Variants in ZFHX3 observed in about 807,000 individuals in gnomAD.
The protein encoded by ZFHX3 is zinc finger homeobox protein 3.
A neutral mutation model predicts 279.1 loss-of-function variants in ZFHX3; 42 were observed. The observed-to-expected ratio is 0.15, with a 90% CI of 0.12 to 0.19. The LOEUF is 0.19. Among genes scored for constraint, ZFHX3 ranks in the 10% least tolerant of loss-of-function variants. The pLI, the probability that ZFHX3 is intolerant of heterozygous loss-of-function variation, is 1.00. For missense variants in ZFHX3, 4,981 were observed against 4,754.0 expected (o/e 1.05, Z -1.40); for synonymous variants, 2,293 against 1,957.8 (o/e 1.17, Z -4.52).
chr16:73,465,293 G>A (rs1276120856), intron 2 of ZFHX3, among the ~76,000 whole-genome samples: 2 of 152,198 alleles, frequency 1.3e-5, no homozygotes, highest in Non-Finnish European at 2.9e-5. Flanking sequence ...AAATCTAGAT[G>A]GAGGGTCTGA....
At chr16:73,504,765 C>T (rs563614150) in intron 2 of ZFHX3, 1 of 152,314 alleles carries the variant, frequency 6.6e-6, no homozygotes, top group African/African-American at 2.4e-5. Flanking sequence ...CAGGATCTTC[C>T]CACGTTTCCT....
At chr16:73,360,071 CT>C (rs1196034461) in intron 3 of ZFHX3, among the ~76,000 whole-genome samples, 1 of 152,138 alleles carries the variant, frequency 6.6e-6, no homozygotes, top group East Asian at 1.9e-4. Context: ...TGAGTTATCA[CT>C]TATTAGTTGG....
In ZFHX3 at chr16:73,592,681, G is replaced by A. The variant is rs569707550; in HGVS notation, c.-1547+87499C>T. Among the ~76,000 whole-genome samples, 250 of 152,028 alleles carry A rather than the reference G, an allele frequency of 1.6e-3. 3 individuals are homozygous for A. The highest frequency in any genetic ancestry group is 1.9e-3 in the Non-Finnish European group (128 of 67,980). ...TTGAATGTAAATGATGGGGGCCTTAGGGTTCATTTTACTCTTCTTGCTACT... is the reference window on the plus strand; with the variant it reads ...TTGAATGTAAATGATGGGGGCCTTAAGGTTCATTTTACTCTTCTTGCTACT... On this transcript the variant is annotated intron_variant, in intron 2 of 17. Coordinates refer to the ZFHX3 transcript ENST00000641206.
At chr16:72,911,765 C>A (rs1275804418) in intron 3 of ZFHX3, among the ~76,000 whole-genome samples, 4 of 152,224 alleles carry the variant, frequency 2.6e-5, no homozygotes, top group African/African-American at 4.8e-5. Flanking sequence ...CTGGACAGCA[C>A]AGATCACAGA....
intron 1 of ZFHX3, among the ~76,000 whole-genome samples, chr16:73,867,164 C>T (rs576647068): frequency 6.9e-4 from 105 of 152,198 alleles, no homozygotes; most frequent in African/African-American, 2.3e-3. Context: ...GAGGCATTTA[C>T]AGTGCCTGCC....
chr16:73,570,732 G>C (rs748401704), intron 2 of ZFHX3, among the ~76,000 whole-genome samples: 1 of 151,924 alleles, frequency 6.6e-6, no homozygotes, highest in African/African-American at 2.4e-5. Flanking sequence ...TGTTTCTATT[G>C]GTGTACTGAC....
chr16:73,882,345 C>G (rs1331684149), intron 1 of ZFHX3, among the ~76,000 whole-genome samples: 1 of 151,644 alleles, frequency 6.6e-6, no homozygotes, highest in East Asian at 1.9e-4. Flanking sequence ...TTTTTGCTGT[C>G]AAAAAAGCTT....
intron 3 of ZFHX3, among the ~76,000 whole-genome samples, chr16:72,931,409 A>G (rs79733633): frequency 0.077 from 2,276 of 29,538 alleles, 59 homozygotes; most frequent in African/African-American, 0.31. Context: ...TTCATTACAC[A>G]CACACACACA....
At position 73,282,636 on chromosome 16, in the gene ZFHX3, CT is replaced by C. The variant is rs150795695; in HGVS notation, c.-1193-25501del. Among the ~76,000 whole-genome samples the C allele has an allele frequency of 3.5e-3, 536 of 152,228 alleles. 1 individual carries two copies. Among genetic ancestry groups the C allele is most frequent in the African/African-American group, 0.012 (503 of 41,542 alleles). On this transcript the variant is annotated intron_variant, in intron 4 of 17. Coordinates refer to the ZFHX3 transcript ENST00000641206. ...TCTTTATATCAGAATTTTAATTTAGCTAATTGTATTTCAGTCTTTGCTATTC... is the reference window on the plus strand; with the variant it reads ...TCTTTATATCAGAATTTTAATTTAGCAATTGTATTTCAGTCTTTGCTATTC...
chr16:73,667,084 C>T (rs982393174), intron 2 of ZFHX3, among the ~76,000 whole-genome samples: 8 of 151,992 alleles, frequency 5.3e-5, no homozygotes, highest in Admixed American at 2.6e-4. Flanking sequence ...CTCCACCTCT[C>T]GGGTTCAAGC....
chr16:73,129,608 G>A (rs962611583), intron 7 of ZFHX3, among the ~76,000 whole-genome samples: 7 of 151,776 alleles, frequency 4.6e-5, no homozygotes, highest in South Asian at 4.2e-4. Flanking sequence ...TAGTGTGTGC[G>A]TGTGTGTGCA....
At chr16:73,456,323 A>C (rs2018370855) in intron 2 of ZFHX3, 1 of 152,228 alleles carries the variant, frequency 6.6e-6, no homozygotes, top group Non-Finnish European at 1.5e-5. Context: ...ATTTTCAAAT[A>C]GAAGAGATAC....
chr16:73,710,615 G>A (rs977994461), intron 1 of ZFHX3, among the ~76,000 whole-genome samples: 2 of 152,160 alleles, frequency 1.3e-5, no homozygotes, highest in Non-Finnish European at 2.9e-5. Context: ...AATGTAGAGA[G>A]AGACCCACAC....
intron 3 of ZFHX3, among the ~76,000 whole-genome samples, chr16:72,950,262 A>T (rs1373666837): frequency 6.6e-6 from 1 of 152,136 alleles, no homozygotes; most frequent in Non-Finnish European, 1.5e-5. Context: ...ACCTTCAGCT[A>T]GTCAAGCTAC....
At chr16:73,728,551 G>A (rs572431388) in intron 1 of ZFHX3, among the ~76,000 whole-genome samples, 3 of 152,086 alleles carry the variant, frequency 2.0e-5, no homozygotes, top group South Asian at 2.1e-4. Context: ...TGTGTAGCCC[G>A]CAACTCAGTC....
intron 1 of ZFHX3, among the ~76,000 whole-genome samples, chr16:73,018,764 C>A (rs1964195562): frequency 6.6e-6 from 1 of 152,174 alleles, no homozygotes; most frequent in South Asian, 2.1e-4. Flanking sequence ...TCTGTATAGT[C>A]TAAATGCTAA....
intron 1 of ZFHX3, among the ~76,000 whole-genome samples, chr16:73,857,509 C>T (rs918656255): frequency 6.6e-6 from 1 of 152,162 alleles, no homozygotes; most frequent in Admixed American, 6.5e-5. Context: ...CTCCTTATTA[C>T]ACCACTGAGA....
At chr16:73,453,008 A>G (rs1310646658) in intron 3 of ZFHX3, among the ~76,000 whole-genome samples, 7 of 152,224 alleles carry the variant, frequency 4.6e-5, no homozygotes, top group Admixed American at 1.3e-4. Flanking sequence ...TGACCATGAG[A>G]TATCTGTCTA....
intron 2 of ZFHX3, among the ~76,000 whole-genome samples, chr16:73,637,467 G>A (rs1280635529): frequency 2.0e-5 from 3 of 151,422 alleles, no homozygotes; most frequent in Admixed American, 6.6e-5. Context: ...TCCTGACCTC[G>A]GGTGATCCAC....
Sources: gnomAD v4.1 joint callset for allele counts (sites outside exome capture counted in the v4.1 genomes callset) on GRCh38, gnomAD v4.1.1 for gene constraint, MANE v1.5 for transcripts, NCBI Gene and HGNC (gene_info 2026-07-23, HGNC 2026-07-21) for gene names.